Variants in PRKN observed in about 807,000 individuals in gnomAD.
The protein encoded by PRKN is parkin RBR E3 ubiquitin protein ligase.
A neutral mutation model predicts 59.5 loss-of-function variants in PRKN; 56 were observed. The ratio of observed to expected loss-of-function variants is 0.94; its 90% CI spans 0.76 to 1.18. The LOEUF (loss-of-function observed/expected upper bound fraction) is 1.18. PRKN is among the 50% of genes most tolerant of loss of function. The pLI is 0.00. For missense variants in PRKN, 657 were observed against 596.4 expected (o/e 1.10, Z -1.06); for synonymous variants, 250 against 222.1 (o/e 1.13, Z -1.12).
intron 9 of PRKN, among the ~76,000 whole-genome samples, chr6:161,424,039 T>C (rs1335933387): frequency 6.6e-6 from 1 of 152,104 alleles, no homozygotes; most frequent in Non-Finnish European, 1.5e-5. Context: ...ATATTAATAT[T>C]AAAGAGTTGA....
chr6:162,569,462 G>T (rs1780220024), intron 1 of PRKN: 1 of 687,638 alleles, frequency 1.5e-6, no homozygotes, highest in African/African-American at 1.8e-5. Context: ...GAAGCTGCTG[G>T]AGAGTGAGGA....
At chr6:162,639,372 T>C (rs1338404344) in intron 1 of PRKN, among the ~76,000 whole-genome samples, 1 of 152,182 alleles carries the variant, frequency 6.6e-6, no homozygotes, top group Non-Finnish European at 1.5e-5. Context: ...TAGTAATTAA[T>C]GAGGAAGCCA....
chr6:162,118,023 G>A (rs1028624853), intron 4 of PRKN, among the ~76,000 whole-genome samples: 2 of 152,136 alleles, frequency 1.3e-5, no homozygotes, highest in South Asian at 4.1e-4. Flanking sequence ...TTGAACCTGG[G>A]AGACAGAGCT....
At chr6:162,522,018 T>C (rs1778096693) in intron 1 of PRKN, among the ~76,000 whole-genome samples, 1 of 152,238 alleles carries the variant, frequency 6.6e-6, no homozygotes. Flanking sequence ...TCACTTTTTA[T>C]TCGATGTCCC....
At chr6:162,420,110 C>G (rs568263036) in intron 2 of PRKN, among the ~76,000 whole-genome samples, 30 of 151,978 alleles carry the variant, frequency 2.0e-4, no homozygotes, top group Admixed American at 5.9e-4. Flanking sequence ...ATACAGCTCA[C>G]CATAATGTAG....
intron 6 of PRKN, among the ~76,000 whole-genome samples, chr6:161,894,042 T>A (rs1777517343): frequency 6.6e-6 from 1 of 152,244 alleles, no homozygotes. Context: ...TTCTATGTGC[T>A]ATAAATAGTG....
intron 4 of PRKN, among the ~76,000 whole-genome samples, chr6:162,199,997 C>T (rs1784654375): frequency 1.3e-5 from 2 of 152,160 alleles, no homozygotes; most frequent in African/African-American, 4.8e-5. Context: ...TAATGGCAAA[C>T]TGTCCTCAGC....
chr6:161,777,888 A>ATATG (rs1402044811), intron 7 of PRKN, among the ~76,000 whole-genome samples: 1 of 130,498 alleles, frequency 7.7e-6, no homozygotes, highest in Non-Finnish European at 1.7e-5. Flanking sequence ...ATATATGTAT[A>ATATG]TATATGTATA....
At chr6:161,884,912 AG>A (rs1795075196) in intron 6 of PRKN, among the ~76,000 whole-genome samples, 1 of 152,022 alleles carries the variant, frequency 6.6e-6, no homozygotes, top group Admixed American at 6.6e-5. Context: ...CTACCATTGC[AG>A]CAAAGAATAG....
At chr6:162,449,739 A>G (rs1790499384) in intron 1 of PRKN, among the ~76,000 whole-genome samples, 1 of 152,116 alleles carries the variant, frequency 6.6e-6, no homozygotes, top group Non-Finnish European at 1.5e-5. Flanking sequence ...CCACTTATAC[A>G]TAGAGGCCAG....
intron 9 of PRKN, among the ~76,000 whole-genome samples, chr6:161,520,943 T>C (rs1778797022): frequency 6.6e-6 from 1 of 152,196 alleles, no homozygotes. Context: ...AGGGTTCAGT[T>C]AGACACAAAG....
intron 9 of PRKN, among the ~76,000 whole-genome samples, chr6:161,521,735 C>T (rs1457779403): frequency 2.6e-5 from 4 of 152,112 alleles, no homozygotes; most frequent in Admixed American, 1.3e-4. Context: ...GGTCCATTTT[C>T]ATCTTTGGAT....
At chr6:161,521,847 C>T (rs138696302) in intron 9 of PRKN, among the ~76,000 whole-genome samples, 122 of 152,276 alleles carry the variant, frequency 8.0e-4, no homozygotes, top group African/African-American at 2.8e-3. Context: ...ACAAGCCTCC[C>T]TTGCATGCAA....
intron 4 of PRKN, among the ~76,000 whole-genome samples, chr6:162,200,627 C>G (rs117962250): frequency 6.6e-6 from 1 of 152,296 alleles, no homozygotes; most frequent in East Asian, 1.9e-4. Flanking sequence ...TTGACTGACC[C>G]TTGCTTTATA....
At chr6:162,556,958 A>G (rs1779631676) in intron 1 of PRKN, among the ~76,000 whole-genome samples, 1 of 152,132 alleles carries the variant, frequency 6.6e-6, no homozygotes, top group Admixed American at 6.5e-5. Flanking sequence ...TTGATGAAAT[A>G]AAGCAGATAA....
At chr6:162,249,262 C>T (rs1004685956) in intron 3 of PRKN, among the ~76,000 whole-genome samples, 2 of 152,146 alleles carry the variant, frequency 1.3e-5, no homozygotes, top group African/African-American at 2.4e-5. Context: ...ACTGATTCTC[C>T]TTACTTTTTC....
chr6:161,781,634 A>G (rs575009906), intron 7 of PRKN, among the ~76,000 whole-genome samples: 2 of 152,370 alleles, frequency 1.3e-5, no homozygotes, highest in South Asian at 4.1e-4. Context: ...TAATTTACGC[A>G]CATTCTTTAC....
At chr6:162,350,824 A>C (rs1293098569) in intron 2 of PRKN, among the ~76,000 whole-genome samples, 4 of 152,284 alleles carry the variant, frequency 2.6e-5, no homozygotes, top group Non-Finnish European at 4.4e-5. Flanking sequence ...TACAAATTAA[A>C]TGTGTTAAAT....
rs377028330 is a variant in PRKN, at chr6:161,958,741, G to A, written c.734+14561C>T. Among the ~76,000 whole-genome samples, 105 of 152,098 alleles carry A rather than the reference G, an allele frequency of 6.9e-4. 1 individual carries two copies. Among genetic ancestry groups the A allele is most frequent in the African/African-American group, 2.4e-3 (99 of 41,530 alleles). ...TAAAAATACAAAAAATTAGCTGGGCGTGGTGGTGGGTATCTGTAATCCCAG... is the reference window on the plus strand; with the variant it reads ...TAAAAATACAAAAAATTAGCTGGGCATGGTGGTGGGTATCTGTAATCCCAG... On this transcript the variant is annotated intron_variant, in intron 6 of 11. Transcript: ENST00000366898.
Sources: gnomAD v4.1 joint callset for allele counts (sites outside exome capture counted in the v4.1 genomes callset) on GRCh38, gnomAD v4.1.1 for gene constraint, MANE v1.5 for transcripts, NCBI Gene and HGNC (gene_info 2026-07-23, HGNC 2026-07-21) for gene names.